The following MYO5A variants were observed in gnomAD, a reference collection of about 807,000 sequenced individuals.
MYO5A encodes the protein myosin VA.
In MYO5A, 98 loss-of-function variants were observed where a neutral mutation model predicts 249.7. The ratio of observed to expected loss-of-function variants is 0.39; its 90% confidence interval spans 0.33 to 0.46. MYO5A has a LOEUF of 0.46. Among genes scored for constraint, MYO5A ranks in the 20% least tolerant of loss-of-function variants. The pLI is 0.98. For missense variants in MYO5A, 1,696 were observed against 2,308.8 expected (o/e 0.73, Z 5.44); for synonymous variants, 778 against 810.6 (o/e 0.96, Z 0.68).
intron 12 of MYO5A, among the ~76,000 whole-genome samples, chr15:52,391,198 T>G (rs761256034): frequency 6.6e-6 from 1 of 152,224 alleles, no homozygotes; most frequent in African/African-American, 2.4e-5. Flanking sequence ...AATATTCATT[T>G]AGTATTATCA....
chr15:52,388,894 A>G (rs2042085995), intron 13 of MYO5A, among the ~76,000 whole-genome samples: 1 of 152,206 alleles, frequency 6.6e-6, no homozygotes, highest in African/African-American at 2.4e-5. Context: ...TCATATTTCT[A>G]TAGTGAAATA....
In MYO5A at chr15:52,313,828, T is replaced by C. The variant is rs751481701; in HGVS notation, c.5511A>G (p.Lys1837=). 1.9e-6 allele frequency: 3 copies of C among 1,614,066 alleles called. No individual in the cohort carries two copies. Among genetic ancestry groups the C allele is most frequent in the Non-Finnish European group, 2.5e-6 (3 of 1,179,976 alleles). The part of the protein sequence containing the change: ...RTIQMRLRDR[K]DSPQLLMDAK... ...CATCCATGAGCAGCTGGGGAGAGTCTTTCCTGTCTCGTAAACGCATCTGAG... is the reference window on the plus strand; with the variant it reads ...CATCCATGAGCAGCTGGGGAGAGTCCTTCCTGTCTCGTAAACGCATCTGAG... Residue 1837 remains lysine, a synonymous_variant, in exon 42 of 42, where the codon AAA becomes AAG. Coordinates refer to ENST00000399233, the MANE Select transcript of MYO5A (RefSeq NM_001382347.1).
intron 34 of MYO5A, among the ~76,000 whole-genome samples, chr15:52,334,686 T>C (rs1307203347): frequency 6.6e-6 from 1 of 152,208 alleles, no homozygotes; most frequent in Non-Finnish European, 1.5e-5. Flanking sequence ...ATTTATGGAA[T>C]GATTATGAGA....
At chr15:52,527,975 C>T (rs2077756172) in intron 1 of MYO5A, among the ~76,000 whole-genome samples, 1 of 152,200 alleles carries the variant, frequency 6.6e-6, no homozygotes, top group Non-Finnish European at 1.5e-5. Flanking sequence ...ATCTGCGCAG[C>T]ACTCAAGTGA....
In MYO5A at chr15:52,425,993, A is replaced by C; in HGVS notation, c.311-19T>G. On this transcript the variant is annotated intron_variant, in intron 3 of 41. Transcript: ENST00000399233. ...ACTATACCTGGGAATAGGGTAGGGG[A>C]CAAGAAAGAAAAAGAAGTCAATGAT... 6.2e-7 allele frequency: 1 copy of C among 1,609,070 alleles called. No individual in the cohort carries two copies. Among genetic ancestry groups the C allele is most frequent in the Non-Finnish European group, 8.5e-7 (1 of 1,175,942 alleles).
At chr15:52,329,764 ACT>A (rs1174077338) in intron 35 of MYO5A, among the ~76,000 whole-genome samples, 2 of 151,668 alleles carry the variant, frequency 1.3e-5, no homozygotes, top group East Asian at 3.9e-4. Context: ...TTTGAGAAAG[ACT>A]CTTGCTGTGT....
intron 14 of MYO5A, 58 bp downstream of exon 14, chr15:52,387,771 G>T: frequency 3.1e-6 from 4 of 1,280,966 alleles, no homozygotes; most frequent in Admixed American, 1.8e-5. Context: ...CATTTTTATT[G>T]TTAAAAAGCT....
chr15:52,472,970 T>G (rs1276824427), intron 1 of MYO5A, among the ~76,000 whole-genome samples: 1 of 152,270 alleles, frequency 6.6e-6, no homozygotes, highest in Non-Finnish European at 1.5e-5. Flanking sequence ...ATTGCCACAC[T>G]GTCTTCCACA....
chr15:52,373,401 T>A (rs2414144), intron 20 of MYO5A, among the ~76,000 whole-genome samples: 10,391 of 152,266 alleles, frequency 0.068, 512 homozygotes, highest in Middle Eastern at 0.11. Context: ...ACTTTGGACA[T>A]GGGTCCATTT....
At chr15:52,432,159 T>C (rs1311549305) in intron 2 of MYO5A, among the ~76,000 whole-genome samples, 3 of 152,218 alleles carry the variant, frequency 2.0e-5, no homozygotes, top group Non-Finnish European at 4.4e-5. Context: ...AATACTTCCT[T>C]CCCTATAGAA....
chr15:52,364,813 C>A, intron 23 of MYO5A, 111 bp from the exon 24 acceptor site: 2 of 1,223,380 alleles, frequency 1.6e-6, no homozygotes, highest in Non-Finnish European at 2.3e-6. Context: ...CTTTTAGTAT[C>A]ACTGTGATCC....
intron 40 of MYO5A, 89 bp downstream of exon 40, chr15:52,316,959 A>G (rs1163357461): frequency 7.3e-7 from 1 of 1,378,690 alleles, no homozygotes; most frequent in Non-Finnish European, 1.0e-6. Flanking sequence ...GCTCAGAGAT[A>G]CAAGCAATAA....
At chr15:52,328,700 C>T (rs956199497) in intron 35 of MYO5A, among the ~76,000 whole-genome samples, 2 of 152,198 alleles carry the variant, frequency 1.3e-5, no homozygotes, top group African/African-American at 4.8e-5. Flanking sequence ...TTCTGAGAAT[C>T]CTCCAAGCAG....
chr15:52,347,604 C>T (rs558230136), intron 29 of MYO5A, among the ~76,000 whole-genome samples: 1 of 152,116 alleles, frequency 6.6e-6, no homozygotes, highest in Non-Finnish European at 1.5e-5. Context: ...CAGAGACTTA[C>T]AAATGCTTGT....
intron 25 of MYO5A, among the ~76,000 whole-genome samples, chr15:52,357,765 A>G (rs764317254): frequency 6.6e-6 from 1 of 152,210 alleles, no homozygotes; most frequent in Non-Finnish European, 1.5e-5. Flanking sequence ...AGATTGGGCC[A>G]TCTGTCACAG....
intron 9 of MYO5A, among the ~76,000 whole-genome samples, chr15:52,399,602 T>TC (rs1491569084): frequency 6.6e-6 from 1 of 152,202 alleles, no homozygotes; most frequent in African/African-American, 2.4e-5. Context: ...ACTTTCTGTA[T>TC]CTCTATATTT....
At chr15:52,368,775 T>C (rs1177036844) in intron 22 of MYO5A, among the ~76,000 whole-genome samples, 1 of 151,958 alleles carries the variant, frequency 6.6e-6, no homozygotes, top group African/African-American at 2.4e-5. Context: ...CTGTGAGAAG[T>C]GGGAGAAAAT....
chr15:52,436,917 G>A (rs146337516), intron 1 of MYO5A, among the ~76,000 whole-genome samples: 1 of 152,294 alleles, frequency 6.6e-6, no homozygotes, highest in Admixed American at 6.5e-5. Flanking sequence ...ATGGGCCTTG[G>A]CCTTTATTTC....
At chr15:52,433,029 G>C in intron 2 of MYO5A, 146 bp downstream of exon 2, 1 of 674,206 alleles carries the variant, frequency 1.5e-6, no homozygotes, top group Non-Finnish European at 2.7e-6. Context: ...AGAAAACTGA[G>C]TTTGCCATTT....
Sources: allele counts gnomAD v4.1 joint callset (sites outside exome capture counted in the v4.1 genomes callset), GRCh38; gene constraint gnomAD v4.1.1; transcripts MANE v1.5; gene names NCBI Gene and HGNC (gene_info 2026-07-23, HGNC 2026-07-21).